GRM3: variants seen among roughly 807,000 people sequenced by gnomAD.
The protein encoded by GRM3 is glutamate metabotropic receptor 3, also known as metabotropic glutamate receptor 3.
GRM3 carries 26 observed loss-of-function variants against 70.5 expected under a neutral mutation model. The ratio of observed to expected loss-of-function variants is 0.37; its 90% CI spans 0.27 to 0.51. GRM3 has a LOEUF of 0.51. Among genes scored for constraint, GRM3 ranks in the 20% least tolerant of loss-of-function variants. GRM3 has a pLI of 0.93. For synonymous variants in GRM3, 443 were observed against 434.9 expected (o/e 1.02, Z -0.23); for missense variants, 859 against 1,123.8 (o/e 0.76, Z 3.37).
chr7:86,663,177 CTTCTACTTATAGTTACACCTAGAAG>C (rs1292112878), intron 1 of GRM3, among the ~76,000 whole-genome samples: 1 of 151,666 alleles, frequency 6.6e-6, no homozygotes, highest in Non-Finnish European at 1.5e-5. Flanking sequence ...CCCTAGGGTA[CTTCTACTTATAGTTACACCTAGAAG>C]TTACAGTCCA....
intron 1 of GRM3, among the ~76,000 whole-genome samples, chr7:86,702,098 A>G (rs535098544): frequency 2.6e-5 from 4 of 152,038 alleles, no homozygotes; most frequent in Non-Finnish European, 5.9e-5. Flanking sequence ...CTAAAACTTA[A>G]AGTAAAATAA....
intron 1 of GRM3, among the ~76,000 whole-genome samples, chr7:86,658,738 T>C (rs1793816594): frequency 6.6e-6 from 1 of 152,128 alleles, no homozygotes; most frequent in Non-Finnish European, 1.5e-5. Context: ...CAAATTTTCC[T>C]CATCTTTAAA....
chr7:86,763,607 C>T (rs1215828042), intron 1 of GRM3, among the ~76,000 whole-genome samples: 4 of 152,130 alleles, frequency 2.6e-5, no homozygotes, highest in African/African-American at 7.2e-5. Context: ...TAGATTCATA[C>T]GTTCTAGCCT....
chr7:86,645,406 G>A (rs1288561134), intron 1 of GRM3, among the ~76,000 whole-genome samples: 1 of 152,154 alleles, frequency 6.6e-6, no homozygotes, highest in Non-Finnish European at 1.5e-5. Flanking sequence ...GGTTGGAAAG[G>A]AGCCTTAACT....
chr7:86,759,568 C>A (rs1796429099), intron 1 of GRM3, among the ~76,000 whole-genome samples: 1 of 152,054 alleles, frequency 6.6e-6, no homozygotes, highest in African/African-American at 2.4e-5. Flanking sequence ...CTAGAGTATG[C>A]TCCTTGATAT....
intron 1 of GRM3, among the ~76,000 whole-genome samples, chr7:86,665,516 T>C (rs150425003): frequency 6.6e-6 from 1 of 152,128 alleles, no homozygotes; most frequent in Admixed American, 6.6e-5. Flanking sequence ...AGTAACAATA[T>C]CTTACTATCA....
At chr7:86,691,634 A>G (rs1047595376) in intron 1 of GRM3, among the ~76,000 whole-genome samples, 1 of 152,206 alleles carries the variant, frequency 6.6e-6, no homozygotes, top group Non-Finnish European at 1.5e-5. Context: ...AAGTGATTAG[A>G]CATTAGAGCT....
At position 86,786,355 on chromosome 7, in the gene GRM3, C is replaced by T. The variant is rs2116541186; in HGVS notation, c.563C>T (p.Ala188Val). The part of the protein sequence containing the change: ...LSDKSRYDYF[A>V]RTVPPDFYQA... Reference sequence around the variant, plus strand: ...GATAAGTCGCGCTATGATTACTTTGCCAGGACCGTGCCCCCCGACTTCTAC... The same window carrying T: ...GATAAGTCGCGCTATGATTACTTTGTCAGGACCGTGCCCCCCGACTTCTAC... Residue 188 changes from alanine to valine, a missense_variant, in exon 3 of 6, where the codon GCC (alanine) becomes GTC (valine). Coordinates refer to ENST00000361669, the MANE Select transcript of GRM3 (RefSeq NM_000840.3). This position sits in a 1 kb window ranked among gnomAD's most constrained non-coding sequence, Gnocchi z 6.0. 6.2e-7 allele frequency: 1 copy of T among 1,614,140 alleles called. No individual in the cohort carries two copies. Among genetic ancestry groups the T allele is most frequent in the Non-Finnish European group, 8.5e-7 (1 of 1,180,000 alleles).
intron 1 of GRM3, among the ~76,000 whole-genome samples, chr7:86,671,166 C>T (rs1794162144): frequency 6.6e-6 from 1 of 152,184 alleles, no homozygotes; most frequent in African/African-American, 2.4e-5. Context: ...GAGCAACTGG[C>T]ACTACAGGTG....
At position 86,838,881 on chromosome 7, in the gene GRM3, T is replaced by G; in HGVS notation, c.1367T>G (p.Phe456Cys). The change falls in exon 4 of 6, where the codon TTT (phenylalanine) becomes TGT (cysteine). Residue 456 changes from phenylalanine (F) to cysteine (C), a missense_variant. By Grantham distance (205) the Phe-to-Cys change is radical (BLOSUM62 -2). Coordinates refer to ENST00000361669, the MANE Select transcript of GRM3 (RefSeq NM_000840.3). ...PNKDADSIVK[F>C]DTFGDGMGRY... Reference sequence around the variant, plus strand: ...AAAGATGCAGATAGCATAGTCAAGTTTGACACTTTTGGAGATGGAATGGGG... The same window carrying G: ...AAAGATGCAGATAGCATAGTCAAGTGTGACACTTTTGGAGATGGAATGGGG... 1 of 1,613,200 alleles carries G rather than the reference T, an allele frequency of 6.2e-7. No homozygotes were observed. Among genetic ancestry groups the G allele is most frequent in the South Asian group, 1.1e-5 (1 of 90,944 alleles).
intron 5 of GRM3, among the ~76,000 whole-genome samples, chr7:86,858,099 G>A (rs1254391439): frequency 6.6e-6 from 1 of 152,020 alleles, no homozygotes; most frequent in Non-Finnish European, 1.5e-5. Context: ...TGGGACTACA[G>A]GCACCCGCCA....
At chr7:86,766,123 C>A (rs532409147) in intron 2 of GRM3, among the ~76,000 whole-genome samples, 1 of 152,088 alleles carries the variant, frequency 6.6e-6, no homozygotes, top group African/African-American at 2.4e-5. Context: ...AGGGCTCAAT[C>A]CAGAGTGAAG....
chr7:86,808,390 GT>G (rs1266774270), intron 3 of GRM3, among the ~76,000 whole-genome samples: 1 of 151,832 alleles, frequency 6.6e-6, no homozygotes, highest in African/African-American at 2.4e-5. Context: ...CTTTTTTTTG[GT>G]TGGATATTGC....
intron 1 of GRM3, among the ~76,000 whole-genome samples, chr7:86,718,647 ATAGTGGGAGAGATGGTG>A (rs1218689500): frequency 6.6e-6 from 1 of 151,974 alleles, no homozygotes; most frequent in African/African-American, 2.4e-5. Context: ...GCAAGTCTGC[ATAGTGGGAGAGATGGTG>A]TAGAGAAAAG....
At chr7:86,750,044 A>C (rs1163261480) in intron 1 of GRM3, among the ~76,000 whole-genome samples, 5 of 151,910 alleles carry the variant, frequency 3.3e-5, no homozygotes. Flanking sequence ...ATACAAGTTC[A>C]AAAAAAATTG....
At chr7:86,717,945 T>TA (rs11403810) in intron 1 of GRM3, among the ~76,000 whole-genome samples, 110,633 of 149,872 alleles carry the variant, frequency 0.74, 40,857 homozygotes, top group East Asian at 0.89. Flanking sequence ...GTATCAGCTT[T>TA]AAAAAAAAAA....
intron 3 of GRM3, among the ~76,000 whole-genome samples, chr7:86,811,502 T>C (rs561564493): frequency 2.0e-5 from 3 of 151,872 alleles, no homozygotes; most frequent in East Asian, 3.9e-4. Context: ...TGAATAGAGA[T>C]GCAGCAGCTT....
intron 1 of GRM3, among the ~76,000 whole-genome samples, chr7:86,686,503 AGTATTTGAG>A (rs1348131606): frequency 6.6e-6 from 1 of 152,254 alleles, no homozygotes; most frequent in African/African-American, 2.4e-5. Flanking sequence ...AAAACAGTTT[AGTATTTGAG>A]TGCCTCAAAA....
rs867046866 is a variant in GRM3, at chr7:86,765,241, G to T, written c.96G>T (p.Glu32Asp). 1 of 1,613,736 alleles carries T rather than the reference G, an allele frequency of 6.2e-7. No homozygotes were observed. Among genetic ancestry groups the T allele is most frequent in the Non-Finnish European group, 8.5e-7 (1 of 1,179,818 alleles). ...GGGACCATAACTTTCTAAGGAGAGA[G>T]ATTAAAATAGAAGGTGACCTTGTTT... ...SLGDHNFLRR[E>D]IKIEGDLVLG... Residue 32 changes from glutamate to aspartate, a missense_variant, in exon 2 of 6, where the codon GAG (glutamate) becomes GAT (aspartate). Coordinates refer to ENST00000361669, the MANE Select transcript of GRM3 (RefSeq NM_000840.3).
Sources: gnomAD v4.1 joint callset for allele counts (sites outside exome capture counted in the v4.1 genomes callset) on GRCh38, gnomAD v4.1.1 for gene constraint, Gnocchi (gnomAD v3.1) non-coding constraint, MANE v1.5 for transcripts, NCBI Gene and HGNC (gene_info 2026-07-23, HGNC 2026-07-21) for gene names.